CATSPER3: variants seen among roughly 807,000 people sequenced by gnomAD.
The protein encoded by CATSPER3 is cation channel sperm associated 3, also known as cation channel sperm-associated protein 3.
A neutral mutation model predicts 36.6 loss-of-function variants in CATSPER3; 23 were observed. That is an observed-to-expected ratio of 0.63 (90% CI 0.45 to 0.89). The LOEUF (loss-of-function observed/expected upper bound fraction) is 0.89. CATSPER3 is among the 40% of genes least tolerant of loss of function. The probability of loss-of-function intolerance (pLI) is 0.00; values close to 1 mark genes in which losing one functional copy is unlikely to be tolerated. For synonymous variants in CATSPER3, 172 were observed against 184.1 expected (o/e 0.93, Z 0.53); for missense variants, 474 against 503.9 (o/e 0.94, Z 0.57).
intron 3 of CATSPER3, among the ~76,000 whole-genome samples, chr5:135,006,163 C>T (rs1279162203): frequency 6.6e-6 from 1 of 152,200 alleles, no homozygotes; most frequent in Non-Finnish European, 1.5e-5. Flanking sequence ...GATTTCCGCA[C>T]CTTTCTGGAC....
At chr5:135,006,652 C>T (rs1163030942) in intron 3 of CATSPER3, among the ~76,000 whole-genome samples, 2 of 151,654 alleles carry the variant, frequency 1.3e-5, no homozygotes, top group African/African-American at 4.8e-5. Flanking sequence ...CTGGCTAACA[C>T]GTGAAACCTC....
At position 135,010,542 on chromosome 5, in the gene CATSPER3, C is replaced by T. The variant is rs1011124053; in HGVS notation, c.1094+12C>T. 6.2e-7 allele frequency: 1 copy of T among 1,612,948 alleles called. No individual in the cohort carries two copies. Among genetic ancestry groups the T allele is most frequent in the South Asian group, 1.1e-5 (1 of 91,054 alleles). On this transcript the variant is annotated intron_variant, in intron 7 of 7. Coordinates refer to ENST00000282611, the MANE Select transcript of CATSPER3 (RefSeq NM_178019.3). ...ACAACTGTCCACAAGTCAGTTCCAG[C>T]CCCAGCCTTCCCTGGTCCCTAGGGC...
Position 134,996,477 on chromosome 5 carries a change from A to T in CATSPER3, c.457A>T (p.Ile153Phe). 1 of 1,614,186 alleles carries T rather than the reference A, an allele frequency of 6.2e-7. No homozygotes were observed. The highest frequency in any genetic ancestry group is 2.2e-5 in the East Asian group (1 of 44,882). ...CGCTGATGGCATGCAGTCCCTGCGC[A>T]TCCTCAAGCTTATCGGCTATAGCCA... ...YIADGMQSLRILKLIGYSQGI... is the reference protein window; with the variant it reads ...YIADGMQSLRFLKLIGYSQGI... The change falls in exon 3 of 8, where the codon ATC becomes TTC. Residue 153 changes from isoleucine (I) to phenylalanine (F), a missense_variant. Ile to Phe is a conservative substitution (Grantham distance 21). Transcript: ENST00000282611.
chr5:134,994,732 C>G (rs1751922598), intron 2 of CATSPER3, among the ~76,000 whole-genome samples: 1 of 152,176 alleles, frequency 6.6e-6, no homozygotes, highest in Non-Finnish European at 1.5e-5. Flanking sequence ...GTCTAACCAC[C>G]TCTGCTGCTC....
intron 2 of CATSPER3, among the ~76,000 whole-genome samples, chr5:134,970,858 C>T (rs1400391165): frequency 6.6e-6 from 1 of 152,110 alleles, no homozygotes. Flanking sequence ...GGGCATGAGC[C>T]ATCGCGCCTG....
chr5:134,982,533 AG>A (rs1441883600), intron 2 of CATSPER3, among the ~76,000 whole-genome samples: 1 of 152,182 alleles, frequency 6.6e-6, no homozygotes, highest in Non-Finnish European at 1.5e-5. Context: ...GCCAAAACAC[AG>A]TGAAAAGCCA....
At chr5:134,973,030 A>G (rs1219451287) in intron 2 of CATSPER3, among the ~76,000 whole-genome samples, 4 of 152,206 alleles carry the variant, frequency 2.6e-5, no homozygotes, top group Non-Finnish European at 5.9e-5. Flanking sequence ...AGAATTTTAG[A>G]TCAGAAAAAT....
chr5:135,011,348 C>T (rs553582053), intron 7 of CATSPER3, among the ~76,000 whole-genome samples, 173 bp from the exon 8 acceptor site: 1 of 152,194 alleles, frequency 6.6e-6, no homozygotes, highest in South Asian at 2.1e-4. Context: ...CTCCAGGGGG[C>T]CCCAGGCAGA....
At chr5:135,008,375 A>G (rs1205386964) in intron 4 of CATSPER3, among the ~76,000 whole-genome samples, 1 of 152,186 alleles carries the variant, frequency 6.6e-6, no homozygotes, top group Admixed American at 6.5e-5. Flanking sequence ...TCACAGGGTG[A>G]TCAAACTTTG....
At chr5:134,988,530 C>T (rs923455301) in intron 2 of CATSPER3, among the ~76,000 whole-genome samples, 1 of 152,222 alleles carries the variant, frequency 6.6e-6, no homozygotes, top group Admixed American at 6.5e-5. Flanking sequence ...ATTTCAACAA[C>T]TTTCATAGCA....
At chr5:134,969,625 A>G (rs1751576595) in intron 1 of CATSPER3, 1 of 390,356 alleles carries the variant, frequency 2.6e-6, no homozygotes, top group Non-Finnish European at 4.8e-6. Context: ...CTTGATATGT[A>G]GTTGCCACTC....
chr5:134,969,442 T>C (rs1751573686), intron 1 of CATSPER3: 1 of 172,764 alleles, frequency 5.8e-6, no homozygotes, highest in Non-Finnish European at 1.2e-5. Flanking sequence ...TTTGTTTGTC[T>C]TTGGTGTTTA....
intron 3 of CATSPER3, among the ~76,000 whole-genome samples, chr5:134,999,723 G>A (rs1220708061): frequency 1.3e-5 from 2 of 152,176 alleles, no homozygotes; most frequent in East Asian, 1.9e-4. Context: ...TGTTATTGGT[G>A]TATAGGAATG....
At chr5:134,968,392 T>G (rs1237918324) in intron 1 of CATSPER3, 3 of 374,300 alleles carry the variant, frequency 8.0e-6, no homozygotes, top group East Asian at 6.4e-5. Context: ...TCTTGATATA[T>G]TAGAAAAGTA....
chr5:134,985,416 T>C (rs1226831239), intron 2 of CATSPER3, among the ~76,000 whole-genome samples: 1 of 152,036 alleles, frequency 6.6e-6, no homozygotes, highest in African/African-American at 2.4e-5. Context: ...ATGGACATTG[T>C]GGGGAGACAG....
At chr5:134,984,842 A>G (rs1365186921) in intron 2 of CATSPER3, among the ~76,000 whole-genome samples, 1 of 150,662 alleles carries the variant, frequency 6.6e-6, no homozygotes, top group Non-Finnish European at 1.5e-5. Context: ...TTGAGATGGA[A>G]TCTGGCTCTG....
chr5:135,000,259 A>G (rs1336858414), intron 3 of CATSPER3, among the ~76,000 whole-genome samples: 2 of 152,226 alleles, frequency 1.3e-5, no homozygotes, highest in Non-Finnish European at 2.9e-5. Flanking sequence ...CTTGCATCCC[A>G]GGGATGAAGC....
intron 2 of CATSPER3, among the ~76,000 whole-genome samples, chr5:134,993,871 T>C (rs1751912598): frequency 6.6e-6 from 1 of 152,228 alleles, no homozygotes; most frequent in South Asian, 2.1e-4. Flanking sequence ...ACACCTGTAA[T>C]CCCAGCACTT....
intron 3 of CATSPER3, 46 bp downstream of exon 3, chr5:134,996,558 G>A: frequency 6.2e-7 from 1 of 1,604,090 alleles, no homozygotes; most frequent in Non-Finnish European, 8.5e-7. Context: ...CAGGCCGTAG[G>A]CCCATTTGCC....
Sources: allele counts gnomAD v4.1 joint callset (sites outside exome capture counted in the v4.1 genomes callset), GRCh38; gene constraint gnomAD v4.1.1; transcripts MANE v1.5; gene names NCBI Gene and HGNC (gene_info 2026-07-23, HGNC 2026-07-21).